KLF16: variants seen among roughly 807,000 people sequenced by gnomAD.
KLF16 encodes the protein KLF transcription factor 16.
In KLF16, 6 loss-of-function variants were observed where a neutral mutation model predicts 6.1. The ratio of observed to expected loss-of-function variants is 0.98; its 90% confidence interval spans 0.54 to 1.93. The LOEUF is 1.93. Among genes scored for constraint, KLF16 ranks in the 30% most tolerant of loss-of-function variants. The probability of loss-of-function intolerance (pLI) is 0.01; values close to 1 mark genes in which losing one functional copy is unlikely to be tolerated. For synonymous variants in KLF16, 211 were observed against 176.5 expected (o/e 1.20, Z -1.55); for missense variants, 355 against 363.8 (o/e 0.98, Z 0.20).
chr19:1,863,094 GCGCAGT>G lies in KLF16; in HGVS notation c.398_403del (p.Asp133_Cys134del). The G allele has an allele frequency of 7.1e-7, 1 of 1,405,512 alleles. No individual in the cohort carries two copies. Among genetic ancestry groups the G allele is most frequent in the Non-Finnish European group, 9.4e-7 (1 of 1,061,254 alleles). 87.1% of individuals were successfully genotyped at this position (1,405,512 alleles called of 1,614,324 possible). On this transcript the variant is annotated inframe_deletion, in exon 1 of 2. Coordinates refer to ENST00000250916, the MANE Select transcript of KLF16 (RefSeq NM_031918.4). ...GTGCGAGGACTTGTAGTAGGCTTTG[GCGCAGT>G]CCGGGAAGGGACAGCGGTGGCTCTT...
chr19:1,863,446 C>T lies in KLF16; in HGVS notation c.52G>A (p.Ala18Thr). 1 of 1,051,754 alleles carries T rather than the reference C, an allele frequency of 9.5e-7. No homozygotes were observed. The highest frequency in any genetic ancestry group is 1.2e-6 in the Non-Finnish European group (1 of 868,166). The allele number at this position is 1,051,754 out of a possible 1,614,324, so 65.2% of individuals were successfully genotyped here. A position where few individuals can be genotyped will look rare whatever the true frequency, so the allele number is the denominator to read the frequency against. ...TGCACCACGGCGCCCGAAGAGATGG[C>T]CATGAGCACGTCGGCGGCGAAGTAA... ...VDYFAADVLMAISSGAVVHRG... is the reference protein window; with the variant it reads ...VDYFAADVLMTISSGAVVHRG... Residue 18 changes from alanine (A) to threonine (T), a missense_variant, in exon 1 of 2, where the codon GCC becomes ACC. Ala to Thr is a moderately conservative substitution (Grantham distance 58). Coordinates refer to ENST00000250916, the MANE Select transcript of KLF16 (RefSeq NM_031918.4).
At chr19:1,875,921 G>A in the KLF16 span, 1 of 152,338 alleles carries the variant, frequency 6.6e-6, no homozygotes, top group Non-Finnish European at 1.5e-5. Context: ...CTCTAGCGAG[G>A]TTTCCTTCCG....
At chr19:1,868,006 A>G (rs115257383), upstream of KLF16, among the ~76,000 whole-genome samples, 66 of 151,946 alleles carry the variant, frequency 4.3e-4, no homozygotes, top group South Asian at 5.2e-3. Flanking sequence ...TTGATTTAAG[A>G]CAGTCGGGTC....
chr19:1,874,746 C>CAAAAAAAAAAAAAAAAA, the KLF16 span: 1 of 41,998 alleles, frequency 2.4e-5, no homozygotes. Flanking sequence ...GTCAGAGTCC[C>CAAAAAAAAAAAAAAAAA]AAAAAAAAAA....
chr19:1,872,947 G>A, the KLF16 span, among the ~76,000 whole-genome samples: 1 of 152,078 alleles, frequency 6.6e-6, no homozygotes, highest in African/African-American at 2.4e-5. Context: ...AGGCGGCCCT[G>A]CACTCCCACC....
At chr19:1,856,374 C>T (rs2011949902) in intron 1 of KLF16, among the ~76,000 whole-genome samples, 1 of 152,206 alleles carries the variant, frequency 6.6e-6, no homozygotes, top group South Asian at 2.1e-4. Context: ...CTCATCTCAT[C>T]CTTCCTCCCT....
rs560954438 is a variant in KLF16, at chr19:1,854,471, G to A, written c.747C>T (p.Pro249=). The change falls in exon 2 of 2, where the codon CCC becomes CCT. Residue 249 remains proline (P), a synonymous_variant. Transcript: ENST00000250916. The part of the protein sequence containing the change: ...PAPSPAPSPA[P]AGL ...CTGCACGAGGGCCCTACAGGCCTGC[G>A]GGGGCTGGGCTGGGCGCGGGGCTGG... is the stretch of plus-strand genomic sequence containing the variant. 19 of 1,415,012 alleles carry A rather than the reference G, an allele frequency of 1.3e-5. No individual in the cohort carries two copies. The highest frequency in any genetic ancestry group is 6.7e-5 in the Admixed American group (2 of 29,796). 87.7% of individuals were successfully genotyped at this position (1,415,012 alleles called of 1,614,324 possible).
At chr19:1,873,570 C>T in the KLF16 span, among the ~76,000 whole-genome samples, 1 of 152,230 alleles carries the variant, frequency 6.6e-6, no homozygotes, top group Non-Finnish European at 1.5e-5. Context: ...GACTCAGCCC[C>T]CAGGCGCCCT....
chr19:1,862,533 G>A (rs1421207320), intron 1 of KLF16, among the ~76,000 whole-genome samples: 4 of 151,924 alleles, frequency 2.6e-5, no homozygotes, highest in Non-Finnish European at 5.9e-5. Flanking sequence ...CCCCCATCCT[G>A]GCCCCACGCC....
At chr19:1,855,460 C>T (rs189900508) in intron 1 of KLF16, among the ~76,000 whole-genome samples, 169 of 152,182 alleles carry the variant, frequency 1.1e-3, no homozygotes, top group African/African-American at 3.8e-3. Flanking sequence ...CGGGGCCCGG[C>T]GGGCTGGACT....
At chr19:1,866,180 C>T (rs1358693139), upstream of KLF16, among the ~76,000 whole-genome samples, 1 of 151,772 alleles carries the variant, frequency 6.6e-6, no homozygotes, top group Non-Finnish European at 1.5e-5. Flanking sequence ...AGGTGGTGGG[C>T]ACCTGTAATC....
the KLF16 span, chr19:1,876,156 C>G: frequency 6.5e-6 from 1 of 153,028 alleles, no homozygotes; most frequent in Non-Finnish European, 1.5e-5. Flanking sequence ...GCCACCGCCG[C>G]CGCCGTCTCC....
intron 1 of KLF16, among the ~76,000 whole-genome samples, chr19:1,856,950 C>CGGGGGGGGGGGGG (rs946961126): frequency 1.2e-4 from 5 of 43,246 alleles, no homozygotes; most frequent in African/African-American, 3.9e-4. Flanking sequence ...AGCAGGTTGC[C>CGGGGGGGGGGGGG]GGGGTGGGGG....
At chr19:1,860,774 G>A (rs763396827) in intron 1 of KLF16, among the ~76,000 whole-genome samples, 5 of 152,186 alleles carry the variant, frequency 3.3e-5, no homozygotes, top group Admixed American at 2.0e-4. Context: ...CACTAAAAGA[G>A]GCCGTTTACA....
intron 1 of KLF16, among the ~76,000 whole-genome samples, chr19:1,855,702 C>T (rs1363883832): frequency 6.6e-6 from 1 of 152,240 alleles, no homozygotes; most frequent in African/African-American, 2.4e-5. Flanking sequence ...CATGTGGCAT[C>T]GTGATGTCAG....
chr19:1,863,421 T>A lies in KLF16; in HGVS notation c.77A>T (p.His26Leu). 1 of 1,012,830 alleles carries A rather than the reference T, an allele frequency of 9.9e-7. No homozygotes were observed. Among genetic ancestry groups the A allele is most frequent in the Non-Finnish European group, 1.2e-6 (1 of 850,104 alleles). 62.7% of individuals were successfully genotyped at this position (1,012,830 alleles called of 1,614,324 possible). A position where few individuals can be genotyped will look rare whatever the true frequency, so the allele number is the denominator to read the frequency against. Reference protein sequence around the residue: ...LMAISSGAVVHRGRPGPEGAG... With the variant: ...LMAISSGAVVLRGRPGPEGAG... Reference sequence around the variant, plus strand: ...GCCCTCGGGGCCGGGCCGCCCGCGGTGCACCACGGCGCCCGAAGAGATGGC... The same window carrying A: ...GCCCTCGGGGCCGGGCCGCCCGCGGAGCACCACGGCGCCCGAAGAGATGGC... Residue 26 changes from histidine (H) to leucine (L), a missense_variant, in exon 1 of 2, where the codon CAC (histidine) becomes CTC (leucine). His to Leu is a moderately conservative substitution (Grantham distance 99). Transcript: ENST00000250916.
At chr19:1,866,202 G>A (rs967282223), upstream of KLF16, among the ~76,000 whole-genome samples, 45 of 152,100 alleles carry the variant, frequency 3.0e-4, 1 homozygote, top group Admixed American at 6.6e-5. Flanking sequence ...CAGCTACTCA[G>A]AAGGCTGAGG....
Position 1,854,292 on chromosome 19 carries a change from G to A in KLF16, c.*167C>T. On this transcript the variant is annotated 3_prime_UTR_variant, in exon 2 of 2. Transcript: ENST00000250916. The stretch of plus-strand genomic sequence containing the variant: ...ATCCTGAGAGCCACCTCTGAGGTCA[G>A]GCAGACCCAGGTCCAGTCTCAGGCC... The A allele has an allele frequency of 1.3e-6, 1 of 798,948 alleles. No homozygotes were observed. The highest frequency in any genetic ancestry group is 1.8e-6 in the Non-Finnish European group (1 of 567,572). The allele number at this position is 798,948 out of a possible 1,614,324, so 49.5% of individuals were successfully genotyped here.
Position 1,856,951 on chromosome 19 carries a change from GGGGT to G in KLF16, c.458-2195_458-2192del, listed in dbSNP as rs1341734622. Among the ~76,000 whole-genome samples the G allele has an allele frequency of 4.7e-5, 5 of 106,628 alleles. 2 individuals carry two copies. The highest frequency in any genetic ancestry group is 1.8e-4 in the Admixed American group (2 of 11,218). The allele number at this position is 106,628 out of a possible 152,430, so 70.0% of individuals were successfully genotyped here. A position where few individuals can be genotyped will look rare whatever the true frequency, so the allele number is the denominator to read the frequency against. Reference sequence around the variant, plus strand: ...ACTTTGCAAGGAGGAGCAGGTTGCCGGGGTGGGGGGGGCGACCGGGGCAGGGGCG... The same window carrying G: ...ACTTTGCAAGGAGGAGCAGGTTGCCGGGGGGGGGCGACCGGGGCAGGGGCG... On this transcript the variant is annotated intron_variant, in intron 1 of 1. Transcript: ENST00000250916.
Sources: allele counts gnomAD v4.1 joint callset (sites outside exome capture counted in the v4.1 genomes callset), GRCh38; gene constraint gnomAD v4.1.1; transcripts MANE v1.5; gene names NCBI Gene and HGNC (gene_info 2026-07-23, HGNC 2026-07-21).